The following MCMDC2 variants were observed in gnomAD, a reference collection of about 807,000 sequenced individuals.
MCMDC2 encodes the protein minichromosome maintenance domain-containing protein 2.
MCMDC2 carries 54 observed loss-of-function variants against 75.8 expected under a neutral mutation model. That is an observed-to-expected ratio of 0.71 (90% CI 0.57 to 0.89). The LOEUF (loss-of-function observed/expected upper bound fraction) is 0.89, where lower values mean the gene tolerates loss of function less well. MCMDC2 is among the 40% of genes least tolerant of loss of function. The probability of loss-of-function intolerance (pLI) is 0.00; values close to 1 mark genes in which losing one functional copy is unlikely to be tolerated. For missense variants in MCMDC2, 656 were observed against 780.4 expected (o/e 0.84, Z 1.90); for synonymous variants, 249 against 274.6 (o/e 0.91, Z 0.92).
intron 13 of MCMDC2, chr8:66,901,751 T>A: frequency 5.7e-6 from 2 of 349,594 alleles, no homozygotes; most frequent in Non-Finnish European, 8.1e-6. Flanking sequence ...GGCAACACAG[T>A]AAAACCCTGT....
At chr8:66,911,091 A>G (rs1333230316) in intron 14 of MCMDC2, among the ~76,000 whole-genome samples, 2 of 152,196 alleles carry the variant, frequency 1.3e-5, no homozygotes, top group African/African-American at 2.4e-5. Context: ...TGGATTTGAA[A>G]TGTGAAAGGG....
chr8:66,904,555 T>C (rs541405213), intron 13 of MCMDC2, among the ~76,000 whole-genome samples: 3 of 151,856 alleles, frequency 2.0e-5, no homozygotes, highest in East Asian at 3.9e-4. Flanking sequence ...AAATGATTTA[T>C]ACAAAGTAAT....
chr8:66,914,904 GA>G (rs1318106186), intron 14 of MCMDC2, among the ~76,000 whole-genome samples: 1 of 151,978 alleles, frequency 6.6e-6, no homozygotes, highest in Non-Finnish European at 1.5e-5. Flanking sequence ...GAAGGGAGGA[GA>G]GGGGGTAATT....
At chr8:66,914,839 A>G (rs1052928073) in intron 14 of MCMDC2, among the ~76,000 whole-genome samples, 4 of 152,028 alleles carry the variant, frequency 2.6e-5, no homozygotes, top group African/African-American at 9.7e-5. Flanking sequence ...TACACGTTAG[A>G]TGCACAAACC....
At chr8:66,888,501 C>A (rs1811949143) in intron 9 of MCMDC2, among the ~76,000 whole-genome samples, 1 of 152,140 alleles carries the variant, frequency 6.6e-6, no homozygotes, top group African/African-American at 2.4e-5. Context: ...GTCTTCCAAT[C>A]CATGAATGTG....
intron 9 of MCMDC2, among the ~76,000 whole-genome samples, chr8:66,887,522 C>T (rs535931708): frequency 6.8e-4 from 103 of 152,140 alleles, no homozygotes; most frequent in Middle Eastern, 6.8e-3. Flanking sequence ...TGCACTCTGG[C>T]CTGGGTGACA....
intron 14 of MCMDC2, among the ~76,000 whole-genome samples, chr8:66,915,636 C>A (rs1813287274): frequency 6.7e-6 from 1 of 150,152 alleles, no homozygotes; most frequent in Admixed American, 6.7e-5. Context: ...AAGGAGATAT[C>A]CTACGGATAT....
chr8:66,913,692 G>A (rs1032926980), intron 14 of MCMDC2, among the ~76,000 whole-genome samples: 3 of 152,250 alleles, frequency 2.0e-5, no homozygotes, highest in Middle Eastern at 3.4e-3. Context: ...TGGGCCGGGC[G>A]CAGTGGTTCA....
At chr8:66,901,546 A>C in intron 13 of MCMDC2, 198 bp downstream of exon 13, 1 of 1,266,318 alleles carries the variant, frequency 7.9e-7, no homozygotes, top group Non-Finnish European at 9.9e-7. Context: ...AATCTCTAAT[A>C]ATTTTTTTAC....
chr8:66,902,869 C>T (rs1266056007), intron 13 of MCMDC2, among the ~76,000 whole-genome samples: 1 of 151,346 alleles, frequency 6.6e-6, no homozygotes, highest in Non-Finnish European at 1.5e-5. Context: ...CCTGTAATCC[C>T]AGTACTTTGG....
At chr8:66,926,063 C>G (rs1441097318), downstream of MCMDC2, 2 of 152,120 alleles carry the variant, frequency 1.3e-5, no homozygotes, top group Non-Finnish European at 2.9e-5. Context: ...CACGAGAAAT[C>G]GCTTGAACCC....
chr8:66,893,345 C>CA (rs776840048), intron 10 of MCMDC2, among the ~76,000 whole-genome samples: 43 of 151,642 alleles, frequency 2.8e-4, no homozygotes, highest in South Asian at 8.3e-4. Context: ...CCCATCTCTA[C>CA]AAAAAAAAGC....
chr8:66,901,520 C>A (rs1247984218), intron 13 of MCMDC2, 172 bp downstream of exon 13: 2 of 1,312,858 alleles, frequency 1.5e-6, no homozygotes. Flanking sequence ...TTTGTTATAT[C>A]ATGTTACATC....
chr8:66,895,900 C>T (rs982505992), intron 10 of MCMDC2, among the ~76,000 whole-genome samples: 10 of 152,102 alleles, frequency 6.6e-5, no homozygotes, highest in African/African-American at 2.4e-4. Context: ...ATCTCTTAGC[C>T]CCCTGCCTAG....
At chr8:66,904,445 T>G (rs976938825) in intron 13 of MCMDC2, among the ~76,000 whole-genome samples, 1 of 152,162 alleles carries the variant, frequency 6.6e-6, no homozygotes, top group Non-Finnish European at 1.5e-5. Context: ...ATTGATAGAA[T>G]CTTGGTTATA....
chr8:66,875,261 G>T (rs1196969730), intron 4 of MCMDC2, among the ~76,000 whole-genome samples: 4 of 151,822 alleles, frequency 2.6e-5, no homozygotes, highest in Non-Finnish European at 4.4e-5. Context: ...GTATCAACCT[G>T]TAAAAATTAT....
At chr8:66,901,138 A>T in intron 12 of MCMDC2, 68 bp from the exon 13 acceptor site, 1 of 1,156,540 alleles carries the variant, frequency 8.6e-7, no homozygotes. Context: ...GTGCCAGTAT[A>T]CTTTTGATTT....
intron 12 of MCMDC2, among the ~76,000 whole-genome samples, chr8:66,897,850 C>A (rs1300549245): frequency 6.6e-6 from 1 of 152,102 alleles, no homozygotes; most frequent in African/African-American, 2.4e-5. Flanking sequence ...ACCTTTTTAA[C>A]TACTCAAAAA....
At chr8:66,892,063 C>A (rs1208763842) in intron 10 of MCMDC2, among the ~76,000 whole-genome samples, 1 of 152,202 alleles carries the variant, frequency 6.6e-6, no homozygotes, top group Non-Finnish European at 1.5e-5. Context: ...TGGTGGGGCA[C>A]ATGTTAACAG....
Sources: gnomAD v4.1 joint callset for allele counts (sites outside exome capture counted in the v4.1 genomes callset) on GRCh38, gnomAD v4.1.1 for gene constraint, MANE v1.5 for transcripts, NCBI Gene and HGNC (gene_info 2026-07-23, HGNC 2026-07-21) for gene names.